The following UBXN2B variants were observed in gnomAD, a reference collection of about 807,000 sequenced individuals.
UBXN2B encodes UBX domain protein 2B.
A neutral mutation model predicts 37.5 loss-of-function variants in UBXN2B; 19 were observed. That is an observed-to-expected ratio of 0.51 (90% CI 0.35 to 0.74). The LOEUF (loss-of-function observed/expected upper bound fraction) is 0.74, where lower values mean the gene tolerates loss of function less well. Ranked by LOEUF, UBXN2B falls within the 30% of genes least tolerant of loss-of-function variation. The probability of loss-of-function intolerance (pLI) is 0.01; values close to 1 mark genes in which losing one functional copy is unlikely to be tolerated. For missense variants in UBXN2B, 370 were observed against 393.2 expected (o/e 0.94, Z 0.50); for synonymous variants, 145 against 143.8 (o/e 1.01, Z -0.06).
chr8:58,426,929 A>G (rs1383777339), intron 2 of UBXN2B, among the ~76,000 whole-genome samples: 2 of 152,224 alleles, frequency 1.3e-5, no homozygotes, highest in Non-Finnish European at 2.9e-5. Flanking sequence ...GGTTTTGCCA[A>G]TTGGCAAGTT....
At chr8:58,424,859 C>T in intron 2 of UBXN2B, 1 of 1,260,636 alleles carries the variant, frequency 7.9e-7, no homozygotes, top group South Asian at 1.2e-5. Flanking sequence ...TCTGTCTGGA[C>T]CATCCCTGAC....
intron 5 of UBXN2B, among the ~76,000 whole-genome samples, chr8:58,438,216 G>A (rs1195081889): frequency 2.0e-5 from 3 of 152,238 alleles, no homozygotes; most frequent in Non-Finnish European, 4.4e-5. Flanking sequence ...AGTGAAAGAG[G>A]CATGGGAGGC....
intron 2 of UBXN2B, chr8:58,424,687 C>CG (rs370686138): frequency 0.022 from 22,494 of 1,038,666 alleles, 41 homozygotes; most frequent in African/African-American, 0.046. Context: ...GAGTACAAGG[C>CG]GGGGGGGGGG....
intron 3 of UBXN2B, among the ~76,000 whole-genome samples, chr8:58,431,119 G>A (rs577690391): frequency 4.4e-4 from 67 of 152,162 alleles, no homozygotes; most frequent in African/African-American, 1.4e-3. Flanking sequence ...CACCCACCCC[G>A]TCTCTCATGC....
intron 2 of UBXN2B, among the ~76,000 whole-genome samples, chr8:58,421,839 G>C (rs930482695): frequency 3.3e-5 from 5 of 152,216 alleles, no homozygotes; most frequent in Admixed American, 3.3e-4. Context: ...ATAAGAACAT[G>C]ATAGTTTGCT....
chr8:58,447,325 G>T, intron 7 of UBXN2B, 64 bp from the exon 8 acceptor site: 1 of 1,438,352 alleles, frequency 7.0e-7, no homozygotes, highest in Non-Finnish European at 9.3e-7. Flanking sequence ...TTATGATTCA[G>T]TTTTAAGTTT....
At chr8:58,446,779 A>ATTTTTTTTGTTTTTT (rs1808683047) in intron 7 of UBXN2B, among the ~76,000 whole-genome samples, 1 of 17,386 alleles carries the variant, frequency 5.8e-5, no homozygotes, top group Admixed American at 6.2e-4. Context: ...TACAACCTGC[A>ATTTTTTTTGTTTTTT]TTTTTTTTTT....
intron 5 of UBXN2B, among the ~76,000 whole-genome samples, chr8:58,439,417 A>C (rs1342815358): frequency 6.6e-6 from 1 of 152,210 alleles, no homozygotes; most frequent in African/African-American, 2.4e-5. Context: ...GTGACAACCA[A>C]AGCATCCCTA....
chr8:58,414,199 C>G (rs192630352), intron 1 of UBXN2B, among the ~76,000 whole-genome samples: 2 of 152,114 alleles, frequency 1.3e-5, no homozygotes, highest in African/African-American at 4.8e-5. Context: ...TATTCTGTAT[C>G]GTTGATTCTC....
intron 6 of UBXN2B, among the ~76,000 whole-genome samples, chr8:58,444,363 G>C (rs979684925): frequency 6.6e-6 from 1 of 152,214 alleles, no homozygotes; most frequent in African/African-American, 2.4e-5. Context: ...CAGCACTGCT[G>C]CTGTTGGCTC....
chr8:58,439,549 T>C, intron 5 of UBXN2B, 84 bp from the exon 6 acceptor site: 1 of 1,471,402 alleles, frequency 6.8e-7, no homozygotes, highest in Non-Finnish European at 9.0e-7. Context: ...CCAGTGTAGC[T>C]CATGAAATAA....
rs758913419 is a variant in UBXN2B, at chr8:58,449,667, C to T, written c.*2116C>T. On this transcript the variant is annotated 3_prime_UTR_variant, in exon 8 of 8. Coordinates refer to ENST00000399598, the MANE Select transcript of UBXN2B (RefSeq NM_001077619.2). ...GGAGCCATCAGCACCAATCAATTTA[C>T]AAAACCAGCGAGGCACCCTTCTTTA... is the stretch of plus-strand genomic sequence containing the variant. 2 of 152,226 alleles carry T rather than the reference C, an allele frequency of 1.3e-5. No homozygotes were observed. The highest frequency in any genetic ancestry group is 1.9e-4 in the East Asian group (1 of 5,196). The allele number at this position is 152,226 out of a possible 1,614,324, so 9.4% of individuals were successfully genotyped here.
At chr8:58,416,813 T>G (rs1563455822) in intron 1 of UBXN2B, 37 bp from the exon 2 acceptor site, 2 of 1,569,912 alleles carry the variant, frequency 1.3e-6, no homozygotes, top group Middle Eastern at 1.7e-4. Flanking sequence ...AGGTTATTCC[T>G]AGTGTTATAC....
intron 5 of UBXN2B, among the ~76,000 whole-genome samples, chr8:58,437,603 G>GT (rs1311262188): frequency 6.6e-6 from 1 of 151,972 alleles, no homozygotes; most frequent in African/African-American, 2.4e-5. Context: ...GATTACAGGC[G>GT]TAAGCCACCA....
At chr8:58,425,331 T>C in intron 2 of UBXN2B, 1 of 1,158,680 alleles carries the variant, frequency 8.6e-7, no homozygotes, top group Non-Finnish European at 1.3e-6. Context: ...AGGAGTTTTC[T>C]TGGAATACCA....
At chr8:58,414,993 A>G (rs902352783) in intron 1 of UBXN2B, among the ~76,000 whole-genome samples, 1 of 152,104 alleles carries the variant, frequency 6.6e-6, no homozygotes. Context: ...ATCTATCTAT[A>G]TCTATTTCTG....
At chr8:58,432,736 C>T (rs1000078717) in intron 3 of UBXN2B, among the ~76,000 whole-genome samples, 1 of 152,076 alleles carries the variant, frequency 6.6e-6, no homozygotes, top group Non-Finnish European at 1.5e-5. Context: ...CGAACAGTTA[C>T]GTGTCTTTTG....
chr8:58,423,424 G>GT (rs1426129098), intron 2 of UBXN2B, among the ~76,000 whole-genome samples: 3,730 of 147,554 alleles, frequency 0.025, 71 homozygotes, highest in East Asian at 0.11. Flanking sequence ...TTGGGGGTGG[G>GT]TTTTTTTTTT....
At chr8:58,438,260 A>T (rs1288091530) in intron 5 of UBXN2B, among the ~76,000 whole-genome samples, 2 of 152,184 alleles carry the variant, frequency 1.3e-5, no homozygotes, top group African/African-American at 4.8e-5. Flanking sequence ...CGCCAAAGGG[A>T]AATGTGAGGT....
Sources: allele counts gnomAD v4.1 joint callset (sites outside exome capture counted in the v4.1 genomes callset), GRCh38; gene constraint gnomAD v4.1.1; transcripts MANE v1.5; gene names NCBI Gene and HGNC (gene_info 2026-07-23, HGNC 2026-07-21).